The following ARL15 variants were observed in gnomAD, a reference collection of about 807,000 sequenced individuals.
ARL15 encodes ADP-ribosylation factor-like protein 15.
ARL15 carries 19 observed loss-of-function variants against 25.2 expected under a neutral mutation model. The ratio of observed to expected loss-of-function variants is 0.75; its 90% CI spans 0.53 to 1.10. The LOEUF (loss-of-function observed/expected upper bound fraction) is 1.10, where lower values mean the gene tolerates loss of function less well. Among genes scored for constraint, ARL15 ranks in the 50% least tolerant of loss-of-function variants. The pLI, the probability that ARL15 is intolerant of heterozygous loss-of-function variation, is 0.00. For missense variants in ARL15, 220 were observed against 246.0 expected, an observed-to-expected ratio of 0.89 and a Z score of 0.71; for synonymous variants, 94 against 86.8, an observed-to-expected ratio of 1.08 and a Z score of -0.46.
At chr5:54,006,998 G>C (rs1749066506) in intron 4 of ARL15, among the ~76,000 whole-genome samples, 1 of 152,118 alleles carries the variant, frequency 6.6e-6, no homozygotes, top group Non-Finnish European at 1.5e-5. Flanking sequence ...GGCTGAGGCA[G>C]GAGAATTGCT....
chr5:54,255,523 G>A (rs535655050), intron 1 of ARL15, among the ~76,000 whole-genome samples: 1 of 152,252 alleles, frequency 6.6e-6, no homozygotes, highest in East Asian at 1.9e-4. Flanking sequence ...AGATAAGGAG[G>A]TGAAGAAAAG....
At chr5:54,157,507 G>A (rs1392958734) in intron 2 of ARL15, among the ~76,000 whole-genome samples, 1 of 152,092 alleles carries the variant, frequency 6.6e-6, no homozygotes, top group Admixed American at 6.5e-5. Context: ...CATCTCCCGG[G>A]TTCACGCCAT....
chr5:54,050,799 T>G (rs1278231026), intron 4 of ARL15, among the ~76,000 whole-genome samples: 3 of 152,174 alleles, frequency 2.0e-5, no homozygotes, highest in Non-Finnish European at 4.4e-5. Context: ...TTCTCTCTAT[T>G]CCCAATTTTA....
intron 1 of ARL15, among the ~76,000 whole-genome samples, chr5:54,226,266 C>T (rs754908575): frequency 5.9e-5 from 9 of 151,984 alleles, no homozygotes; most frequent in East Asian, 1.9e-4. Flanking sequence ...GGAAAATGGC[C>T]GTTAATTGGA....
chr5:54,113,536 G>T, intron 3 of ARL15, 126 bp from the exon 4 acceptor site: 1 of 857,716 alleles, frequency 1.2e-6, no homozygotes, highest in Non-Finnish European at 1.8e-6. Flanking sequence ...TCTGTGGTAT[G>T]GATTAAAACA....
At chr5:54,212,205 A>G (rs377201184) in intron 1 of ARL15, among the ~76,000 whole-genome samples, 1 of 152,248 alleles carries the variant, frequency 6.6e-6, no homozygotes, top group African/African-American at 2.4e-5. Flanking sequence ...CCAATGGGTC[A>G]TAATTTGCCA....
At chr5:54,049,941 A>C (rs561558298) in intron 4 of ARL15, among the ~76,000 whole-genome samples, 1 of 152,258 alleles carries the variant, frequency 6.6e-6, no homozygotes, top group African/African-American at 2.4e-5. Flanking sequence ...GAACGGGCAG[A>C]CAAGTTTAAG....
Position 54,310,455 on chromosome 5 carries a change from C to A in ARL15, c.25G>T (p.Ala9Ser), listed in dbSNP as rs1268234662. Residue 9 changes from alanine to serine, a missense_variant, in exon 1 of 5, where the codon GCG (alanine) becomes TCG (serine). Coordinates refer to ENST00000504924, the MANE Select transcript of ARL15 (RefSeq NM_019087.3). The stretch of plus-strand genomic sequence containing the variant: ...ACCAGATAATCCATGTACAGAAACG[C>A]CTCAGTTATTCGGAGATCAGACATC... MSDLRITE[A>S]FLYMDYLCFR... 3 of 1,609,774 alleles carry A rather than the reference C, an allele frequency of 1.9e-6. No individual in the cohort carries two copies. The highest frequency in any genetic ancestry group is 2.5e-6 in the Non-Finnish European group (3 of 1,178,182).
intron 4 of ARL15, among the ~76,000 whole-genome samples, chr5:53,960,017 A>T (rs1439904898): frequency 6.6e-6 from 1 of 152,088 alleles, no homozygotes; most frequent in Non-Finnish European, 1.5e-5. Flanking sequence ...GAAAGAATTA[A>T]TGAGTGGAGA....
At chr5:53,908,811 G>T (rs562408774) in intron 4 of ARL15, among the ~76,000 whole-genome samples, 1 of 152,278 alleles carries the variant, frequency 6.6e-6, no homozygotes, top group African/African-American at 2.4e-5. Flanking sequence ...TCAATGAAAG[G>T]ATATTCGAGC....
At chr5:53,999,461 G>A (rs534673403) in intron 4 of ARL15, among the ~76,000 whole-genome samples, 50 of 152,000 alleles carry the variant, frequency 3.3e-4, no homozygotes, top group African/African-American at 1.1e-3. Flanking sequence ...ATGGTGGTGC[G>A]GGCCTGTAAT....
chr5:54,166,502 T>G (rs764723641), intron 2 of ARL15, among the ~76,000 whole-genome samples: 4 of 152,128 alleles, frequency 2.6e-5, no homozygotes, highest in Non-Finnish European at 5.9e-5. Flanking sequence ...TGCCCAGCCT[T>G]GCTCATGTTC....
chr5:54,134,828 C>G (rs1753554461), intron 3 of ARL15, among the ~76,000 whole-genome samples: 1 of 151,832 alleles, frequency 6.6e-6, no homozygotes, highest in Admixed American at 6.6e-5. Flanking sequence ...GGTGATCTGC[C>G]CACCTCGGCC....
chr5:54,146,337 T>C (rs1026651041), intron 3 of ARL15, among the ~76,000 whole-genome samples: 1 of 152,130 alleles, frequency 6.6e-6, no homozygotes, highest in Non-Finnish European at 1.5e-5. Context: ...AGATAGATAC[T>C]ATGACTTTCA....
At chr5:54,062,617 A>T (rs1470106586) in intron 4 of ARL15, among the ~76,000 whole-genome samples, 1 of 151,908 alleles carries the variant, frequency 6.6e-6, no homozygotes, top group African/African-American at 2.4e-5. Flanking sequence ...GCCTTCTGCC[A>T]TGATTGTAAG....
At chr5:54,055,095 A>G (rs156838) in intron 4 of ARL15, among the ~76,000 whole-genome samples, 103,559 of 152,008 alleles carry the variant, frequency 0.68, 35,441 homozygotes, top group African/African-American at 0.77. Flanking sequence ...CAATTTTAGA[A>G]TATTTTTATC....
intron 4 of ARL15, among the ~76,000 whole-genome samples, chr5:53,950,872 C>T (rs1287007695): frequency 1.3e-5 from 2 of 152,168 alleles, no homozygotes; most frequent in Non-Finnish European, 2.9e-5. Flanking sequence ...ATTAAAATCC[C>T]GAGACAGACG....
intron 4 of ARL15, among the ~76,000 whole-genome samples, chr5:53,902,027 A>T (rs926742506): frequency 1.1e-4 from 17 of 152,224 alleles, no homozygotes; most frequent in African/African-American, 4.1e-4. Context: ...CCTCAGAGTG[A>T]ACATCAAATT....
intron 4 of ARL15, among the ~76,000 whole-genome samples, chr5:54,045,649 A>G (rs759523976): frequency 3.3e-5 from 5 of 152,014 alleles, no homozygotes; most frequent in Non-Finnish European, 7.4e-5. Flanking sequence ...TGGCTGTCTA[A>G]TCTTTAGGTC....
Sources: allele counts gnomAD v4.1 joint callset (sites outside exome capture counted in the v4.1 genomes callset), GRCh38; gene constraint gnomAD v4.1.1; transcripts MANE v1.5; gene names NCBI Gene and HGNC (gene_info 2026-07-23, HGNC 2026-07-21).